ZNF287: variants seen among roughly 807,000 people sequenced by gnomAD.
The protein encoded by ZNF287 is zinc finger protein with KRAB and SCAN domains 13.
In ZNF287, 31 loss-of-function variants were observed where a neutral mutation model predicts 73.7. The ratio of observed to expected loss-of-function variants is 0.42; its 90% CI spans 0.32 to 0.57. ZNF287 has a LOEUF of 0.57. Among genes scored for constraint, ZNF287 ranks in the 20% least tolerant of loss-of-function variants. ZNF287 has a pLI of 0.13. For synonymous variants in ZNF287, 301 were observed against 307.2 expected (o/e 0.98, Z 0.21); for missense variants, 641 against 909.3 (o/e 0.70, Z 3.79).
intron 5 of ZNF287, among the ~76,000 whole-genome samples, chr17:16,562,105 A>C (rs1366922447): frequency 6.6e-6 from 1 of 152,226 alleles, no homozygotes; most frequent in Admixed American, 6.5e-5. Context: ...TAGACAGTAC[A>C]TAAGTGATGA....
chr17:16,551,798 A>T lies in ZNF287; in HGVS notation c.*58T>A. Reference sequence around the variant, plus strand: ...TCTTCTGAATGTTCTGACACATAGAATGCACAAAACAAAATTGAAACAAAG... The same window carrying T: ...TCTTCTGAATGTTCTGACACATAGATTGCACAAAACAAAATTGAAACAAAG... On this transcript the variant is annotated 3_prime_UTR_variant, in exon 6 of 6. Coordinates refer to ENST00000395825, the MANE Select transcript of ZNF287 (RefSeq NM_020653.4). The T allele has an allele frequency of 6.6e-7, 1 of 1,524,304 alleles. No homozygotes were observed. 94.4% of individuals were successfully genotyped at this position (1,524,304 alleles called of 1,614,324 possible).
intron 1 of ZNF287, chr17:16,568,644 C>G (rs1200150335): frequency 6.6e-6 from 1 of 152,356 alleles, no homozygotes; most frequent in Non-Finnish European, 1.5e-5. Context: ...GAGGCACAGT[C>G]GTGCCACCAA....
chr17:16,555,298 G>A (rs1906972161), intron 5 of ZNF287, among the ~76,000 whole-genome samples: 1 of 152,038 alleles, frequency 6.6e-6, no homozygotes, highest in Non-Finnish European at 1.5e-5. Flanking sequence ...TTATGCATCA[G>A]GCTTCTATAT....
Position 16,551,597 on chromosome 17 carries a change from T to C in ZNF287, c.*259A>G, listed in dbSNP as rs10491106. The C allele has an allele frequency of 0.079, 31,930 of 404,528 alleles. 3,003 individuals carry two copies. The highest frequency in any genetic ancestry group is 0.31 in the African/African-American group (15,205 of 48,316). 25.1% of individuals were successfully genotyped at this position (404,528 alleles called of 1,614,324 possible). ...CTTGAAATAGAGAGTTGATGAGTTA[T>C]GTTTTTGAATACCCTTCACAGGGTT... On this transcript the variant is annotated 3_prime_UTR_variant, in exon 6 of 6. Transcript: ENST00000395825.
At chr17:16,555,427 C>A (rs1906982771) in intron 5 of ZNF287, among the ~76,000 whole-genome samples, 1 of 152,140 alleles carries the variant, frequency 6.6e-6, no homozygotes, top group Non-Finnish European at 1.5e-5. Flanking sequence ...TATTTCCAAC[C>A]TAGATGCAAA....
chr17:16,552,292 T>C lies in ZNF287; in HGVS notation c.1850A>G (p.Glu617Gly). Residue 617 changes from glutamate to glycine, a missense_variant, in exon 6 of 6, where the codon GAG becomes GGG. By Grantham distance (98) the Glu-to-Gly change is moderately conservative. Coordinates refer to ENST00000395825, the MANE Select transcript of ZNF287 (RefSeq NM_020653.4). This position sits in a 1 kb window ranked among gnomAD's most constrained non-coding sequence, Gnocchi z 6.5. The part of the protein sequence containing the change: ...LTQHHRTHTG[E>G]KPYKCSVCGK... ...ACACACACTGCATTTATATGGTTTC[T>C]CTCCAGTATGTGTTCTATGATGTTG... 1 of 1,614,070 alleles carries C rather than the reference T, an allele frequency of 6.2e-7. No individual in the cohort carries two copies. Among genetic ancestry groups the C allele is most frequent in the Non-Finnish European group, 8.5e-7 (1 of 1,180,006 alleles).
At chr17:16,561,791 A>G (rs9912467) in intron 5 of ZNF287, among the ~76,000 whole-genome samples, 11,234 of 152,238 alleles carry the variant, frequency 0.074, 1,407 homozygotes, top group African/African-American at 0.25. Context: ...GGAGACATGC[A>G]AGTAGAACAC....
chr17:16,567,976 C>T (rs1907856807), intron 1 of ZNF287, 47 bp from the exon 2 acceptor site: 2 of 1,361,166 alleles, frequency 1.5e-6, no homozygotes, highest in Non-Finnish European at 1.9e-6. Context: ...CTGGTGTACT[C>T]TACTATACAT....
At position 16,557,314 on chromosome 17, in the gene ZNF287, A is replaced by G. The variant is rs796476529; in HGVS notation, c.716-3888T>C. On this transcript the variant is annotated intron_variant, in intron 5 of 5. Coordinates refer to ENST00000395825, the MANE Select transcript of ZNF287 (RefSeq NM_020653.4). ...ATAATATTTCTAAACAGAGGAGATT[A>G]ATGTTGACTCAGGTAATCAAGGAAA... Among the ~76,000 whole-genome samples, 15 of 152,290 alleles carry G rather than the reference A, an allele frequency of 9.8e-5. 1 individual carries two copies. The highest frequency in any genetic ancestry group is 3.4e-4 in the African/African-American group (14 of 41,562).
chr17:16,556,793 C>A (rs1907102997), intron 5 of ZNF287, among the ~76,000 whole-genome samples: 1 of 151,530 alleles, frequency 6.6e-6, no homozygotes, highest in South Asian at 2.1e-4. Context: ...TTATAATTAA[C>A]AAACTTAAAG....
At position 16,549,330 on chromosome 17, in the gene ZNF287, A is replaced by G. The variant is rs1330116094; in HGVS notation, c.*2526T>C. Among the ~76,000 whole-genome samples, 1 of 152,030 alleles carries G rather than the reference A, an allele frequency of 6.6e-6. No homozygotes were observed. The highest frequency in any genetic ancestry group is 2.4e-5 in the African/African-American group (1 of 41,262). ...CCTCTGTTTATCAGTGGAAGACTTT[A>G]TAAATGCATTATTTACATAAAACAT... On this transcript the variant is annotated 3_prime_UTR_variant, in exon 6 of 6. Coordinates refer to ENST00000395825, the MANE Select transcript of ZNF287 (RefSeq NM_020653.4).
rs1906626806 is a variant in ZNF287 at position 16,551,146 on chromosome 17, C to T, written c.*710G>A. ...TACTGGCTCCATATGGCAGTTATGG[C>T]ATAACAGGAGAAGGGGAAGTAAAAC... On this transcript the variant is annotated 3_prime_UTR_variant, in exon 6 of 6. Coordinates refer to ENST00000395825, the MANE Select transcript of ZNF287 (RefSeq NM_020653.4). Among the ~76,000 whole-genome samples, 1 of 151,818 alleles carries T rather than the reference C, an allele frequency of 6.6e-6. No homozygotes were observed. Among genetic ancestry groups the T allele is most frequent in the Non-Finnish European group, 1.5e-5 (1 of 67,996 alleles).
At chr17:16,557,332 C>T (rs947871733) in intron 5 of ZNF287, among the ~76,000 whole-genome samples, 2 of 152,026 alleles carry the variant, frequency 1.3e-5, no homozygotes, top group Non-Finnish European at 2.9e-5. Flanking sequence ...CTCAGGTAAT[C>T]AAGGAAAGCT....
At chr17:16,566,959 A>C (rs542889123) in intron 2 of ZNF287, among the ~76,000 whole-genome samples, 3 of 152,296 alleles carry the variant, frequency 2.0e-5, no homozygotes, top group South Asian at 4.1e-4. Flanking sequence ...TTTTATTGTA[A>C]AATTCAATTC....
chr17:16,555,159 T>C (rs1249967586), intron 5 of ZNF287, among the ~76,000 whole-genome samples: 2 of 152,152 alleles, frequency 1.3e-5, no homozygotes, highest in Admixed American at 6.6e-5. Flanking sequence ...AGTATACTTA[T>C]ATGAACCTAG....
chr17:16,566,457 G>C, intron 3 of ZNF287, 68 bp downstream of exon 3: 1 of 1,328,334 alleles, frequency 7.5e-7, no homozygotes, highest in South Asian at 1.3e-5. Flanking sequence ...TAGTTATAGG[G>C]CCAGGTCAGA....
chr17:16,560,088 G>T (rs1394857608), intron 5 of ZNF287, among the ~76,000 whole-genome samples: 2 of 150,982 alleles, frequency 1.3e-5, no homozygotes, highest in African/African-American at 2.4e-5. Context: ...AAGTAGCTAG[G>T]ACTACAGGCA....
In ZNF287 at chr17:16,553,281, A is replaced by G. The variant is rs1906816250; in HGVS notation, c.861T>C (p.Ile287=). The part of the protein sequence containing the change: ...ERRGKGGFWK[I]HTDERGFSLK... ...AACTGAAACCTCTTTCATCAGTGTGAATTTTCCAGAAGCCACCTTTTCCTC... is the reference window on the plus strand; with the variant it reads ...AACTGAAACCTCTTTCATCAGTGTGGATTTTCCAGAAGCCACCTTTTCCTC... Residue 287 remains isoleucine (I), a synonymous_variant, in exon 6 of 6, where the codon ATT becomes ATC. Transcript: ENST00000395825. The G allele has an allele frequency of 2.5e-6, 4 of 1,613,890 alleles. No individual in the cohort carries two copies. The highest frequency in any genetic ancestry group is 3.4e-6 in the Non-Finnish European group (4 of 1,179,898).
At position 16,567,233 on chromosome 17, in the gene ZNF287, GC is replaced by G. The variant is rs1907801576; in HGVS notation, c.403+95del. ...AAAAATGCATCCTGGACCTCTCAGT[GC>G]TCTCCCTGATTTCTTTAAAGGAGCT... On this transcript the variant is annotated intron_variant, in intron 2 of 5. Transcript: ENST00000395825. 3 of 1,480,702 alleles carry G rather than the reference GC, an allele frequency of 2.0e-6. No individual in the cohort carries two copies. In the African/African-American group the frequency reaches 4.2e-5, roughly 21 times the overall value. The allele number at this position is 1,480,702 out of a possible 1,614,324, so 91.7% of individuals were successfully genotyped here.
Sources: allele counts gnomAD v4.1 joint callset (sites outside exome capture counted in the v4.1 genomes callset), GRCh38; gene constraint gnomAD v4.1.1; non-coding constraint Gnocchi (gnomAD v3.1); transcripts MANE v1.5; gene names NCBI Gene and HGNC (gene_info 2026-07-23, HGNC 2026-07-21).